Variants in PRKCE observed in about 807,000 individuals in gnomAD.
The protein encoded by PRKCE is protein kinase C epsilon.
Under a neutral mutation model 85.4 loss-of-function variants are expected in PRKCE, and 16 were observed. The observed-to-expected ratio is 0.19, with a 90% CI of 0.13 to 0.28. PRKCE has a LOEUF of 0.28. Ranked by LOEUF, PRKCE falls within the 10% of genes least tolerant of loss-of-function variation. The pLI, the probability that PRKCE is intolerant of heterozygous loss-of-function variation, is 1.00. For synonymous variants in PRKCE, 388 were observed against 371.5 expected (o/e 1.04, Z -0.51); for missense variants, 573 against 975.2 (o/e 0.59, Z 5.49).
intron 10 of PRKCE, among the ~76,000 whole-genome samples, chr2:46,078,997 T>C (rs1397274209): frequency 6.6e-6 from 1 of 151,960 alleles, no homozygotes; most frequent in Non-Finnish European, 1.5e-5. Flanking sequence ...GCCAACATGG[T>C]GAAACCGCAT....
At chr2:45,917,292 T>G (rs1416305102) in intron 2 of PRKCE, among the ~76,000 whole-genome samples, 1 of 152,096 alleles carries the variant, frequency 6.6e-6, no homozygotes, top group East Asian at 1.9e-4. Flanking sequence ...TGTCAATTGG[T>G]GCGTTCACAA....
chr2:45,804,906 T>C (rs1475317034), intron 1 of PRKCE, among the ~76,000 whole-genome samples: 1 of 152,086 alleles, frequency 6.6e-6, no homozygotes, highest in Non-Finnish European at 1.5e-5. Flanking sequence ...GGATTTTGTT[T>C]TAAGCCTTTT....
chr2:45,983,934 A>G (rs1208961721), intron 5 of PRKCE, among the ~76,000 whole-genome samples: 2 of 119,038 alleles, frequency 1.7e-5, no homozygotes, highest in African/African-American at 6.7e-5. Context: ...TATTGAAGGT[A>G]CAATTTTTTT....
intron 1 of PRKCE, among the ~76,000 whole-genome samples, chr2:45,659,656 C>T (rs1369070764): frequency 6.6e-6 from 1 of 152,206 alleles, no homozygotes; most frequent in Admixed American, 6.5e-5. Context: ...CTTAAATGCA[C>T]TTACCATGCT....
At chr2:46,133,092 A>G (rs1674623701) in intron 11 of PRKCE, among the ~76,000 whole-genome samples, 1 of 152,192 alleles carries the variant, frequency 6.6e-6, no homozygotes, top group Admixed American at 6.5e-5. Flanking sequence ...TAGTTTTGGC[A>G]GCTTCTGGTC....
intron 2 of PRKCE, among the ~76,000 whole-genome samples, chr2:45,850,410 A>G (rs1244861708): frequency 6.6e-6 from 1 of 152,204 alleles, no homozygotes; most frequent in Admixed American, 6.5e-5. Flanking sequence ...TGTCCTATAA[A>G]GAAGATTGTT....
intron 6 of PRKCE, among the ~76,000 whole-genome samples, chr2:45,989,455 C>T (rs1703620258): frequency 6.6e-6 from 1 of 152,176 alleles, no homozygotes; most frequent in South Asian, 2.1e-4. Flanking sequence ...TACTGCCTAG[C>T]TGGGAGGTTG....
At chr2:45,782,920 C>T (rs537086060) in intron 1 of PRKCE, among the ~76,000 whole-genome samples, 18 of 152,260 alleles carry the variant, frequency 1.2e-4, no homozygotes, top group Non-Finnish European at 2.4e-4. Context: ...AGACAGTTCA[C>T]GAGAAACATC....
At chr2:45,823,205 C>A (rs1046275434) in intron 1 of PRKCE, among the ~76,000 whole-genome samples, 1 of 152,208 alleles carries the variant, frequency 6.6e-6, no homozygotes, top group Non-Finnish European at 1.5e-5. Flanking sequence ...GATTCCCAGG[C>A]CTGGGATTCT....
At chr2:45,966,884 C>T (rs1294000034) in intron 2 of PRKCE, among the ~76,000 whole-genome samples, 2 of 152,118 alleles carry the variant, frequency 1.3e-5, no homozygotes, top group Admixed American at 6.5e-5. Flanking sequence ...ATGAGGCTGT[C>T]GCTCTTCCTC....
intron 2 of PRKCE, among the ~76,000 whole-genome samples, chr2:45,843,413 T>C (rs1691523242): frequency 6.6e-6 from 1 of 152,146 alleles, no homozygotes; most frequent in Admixed American, 6.5e-5. Flanking sequence ...AACCAGTTGG[T>C]CTAACGGCAT....
intron 2 of PRKCE, among the ~76,000 whole-genome samples, chr2:45,926,702 G>GTT (rs1386454244): frequency 2.0e-5 from 3 of 152,232 alleles, no homozygotes; most frequent in African/African-American, 7.2e-5. Context: ...TTGTGACATG[G>GTT]ACAGCCGTGG....
intron 10 of PRKCE, among the ~76,000 whole-genome samples, chr2:46,053,589 G>T (rs77815301): frequency 6.6e-6 from 1 of 152,072 alleles, no homozygotes; most frequent in African/African-American, 2.4e-5. Flanking sequence ...TCATGTGAGC[G>T]GAGTCATACA....
chr2:45,944,009 A>ATCT (rs1380348103), intron 2 of PRKCE, among the ~76,000 whole-genome samples: 1 of 152,258 alleles, frequency 6.6e-6, no homozygotes, highest in Non-Finnish European at 1.5e-5. Flanking sequence ...TCAAAGGCAG[A>ATCT]TAGATGGTGG....
chr2:45,955,928 C>G (rs1700946839), intron 2 of PRKCE, among the ~76,000 whole-genome samples: 1 of 152,234 alleles, frequency 6.6e-6, no homozygotes, highest in Non-Finnish European at 1.5e-5. Context: ...TCCATCACCT[C>G]CCAAATTCTC....
intron 14 of PRKCE, among the ~76,000 whole-genome samples, chr2:46,170,433 T>C (rs1460963501): frequency 3.9e-5 from 6 of 152,248 alleles, no homozygotes; most frequent in Non-Finnish European, 7.3e-5. Flanking sequence ...CATGTGTTCA[T>C]CACCCAGCGT....
At chr2:45,851,214 A>T (rs1435665963) in intron 2 of PRKCE, among the ~76,000 whole-genome samples, 3 of 152,246 alleles carry the variant, frequency 2.0e-5, no homozygotes, top group Admixed American at 6.5e-5. Flanking sequence ...CGGCCCACTG[A>T]AGATTCATTT....
intron 7 of PRKCE, among the ~76,000 whole-genome samples, chr2:46,002,136 G>A (rs563566858): frequency 6.6e-6 from 1 of 152,334 alleles, no homozygotes; most frequent in Admixed American, 6.5e-5. Context: ...TTGCCAAAAT[G>A]TTATTTTGGT....
At chr2:46,097,046 G>A (rs1259255464) in intron 11 of PRKCE, among the ~76,000 whole-genome samples, 1 of 152,162 alleles carries the variant, frequency 6.6e-6, no homozygotes, top group African/African-American at 2.4e-5. Flanking sequence ...GGAGGAGCAG[G>A]TTGGTGGATA....
Sources: gnomAD v4.1 joint callset for allele counts (sites outside exome capture counted in the v4.1 genomes callset) on GRCh38, gnomAD v4.1.1 for gene constraint, MANE v1.5 for transcripts, NCBI Gene and HGNC (gene_info 2026-07-23, HGNC 2026-07-21) for gene names.